CAST: variants seen among roughly 807,000 people sequenced by gnomAD.
The protein encoded by CAST is MIR583 host.
CAST carries 76 observed loss-of-function variants against 119.6 expected under a neutral mutation model. That is an observed-to-expected ratio of 0.64 (90% CI 0.53 to 0.77). The LOEUF is 0.77. Ranked by LOEUF, CAST falls within the 30% of genes least tolerant of loss-of-function variation. CAST has a pLI of 0.00. For synonymous variants in CAST, 319 were observed against 331.6 expected, an observed-to-expected ratio of 0.96 and a Z score of 0.41; for missense variants, 953 against 946.5, an observed-to-expected ratio of 1.01 and a Z score of -0.09.
intron 1 of CAST, among the ~76,000 whole-genome samples, chr5:96,532,344 C>G (rs1173147532): frequency 1.3e-5 from 2 of 152,176 alleles, no homozygotes; most frequent in Non-Finnish European, 2.9e-5. Flanking sequence ...TGAAATTTAG[C>G]ATCACTAAGG....
intron 1 of CAST, among the ~76,000 whole-genome samples, chr5:96,612,504 C>T (rs1487171501): frequency 6.6e-6 from 1 of 152,080 alleles, no homozygotes; most frequent in Admixed American, 6.6e-5. Flanking sequence ...GTGTTGGGTT[C>T]AATAGAAGCC....
At chr5:96,238,301 T>TTTATTCTTCTTC in the CAST span, among the ~76,000 whole-genome samples, 1 of 94,804 alleles carries the variant, frequency 1.1e-5, no homozygotes, top group South Asian at 4.4e-4. Flanking sequence ...TGCAAATCTG[T>TTTATTCTTCTTC]TTCTTCTTCT....
chr5:96,601,970 C>T (rs939735972), intron 1 of CAST, among the ~76,000 whole-genome samples: 1 of 152,206 alleles, frequency 6.6e-6, no homozygotes, highest in Non-Finnish European at 1.5e-5. Flanking sequence ...TTCCGGCTCC[C>T]TCTGGCCCTC....
At chr5:96,638,545 ACCTTG>A (rs1747910719) in intron 1 of CAST, among the ~76,000 whole-genome samples, 1 of 152,088 alleles carries the variant, frequency 6.6e-6, no homozygotes, top group South Asian at 2.1e-4. Context: ...TCCCCCAAAC[ACCTTG>A]GTGTTTTTTG....
chr5:96,550,463 A>G (rs564455722), intron 1 of CAST, among the ~76,000 whole-genome samples: 21 of 152,268 alleles, frequency 1.4e-4, no homozygotes, highest in Non-Finnish European at 2.9e-4. Context: ...AGGAGAAACC[A>G]GAGCAGAAAG....
intron 17 of CAST, among the ~76,000 whole-genome samples, chr5:96,746,855 G>T (rs1763861708): frequency 6.6e-6 from 1 of 152,152 alleles, no homozygotes. Flanking sequence ...TTATGGTGAG[G>T]ATGGTAGACT....
At chr5:96,346,060 T>C in the CAST span, among the ~76,000 whole-genome samples, 13 of 152,148 alleles carry the variant, frequency 8.5e-5, no homozygotes, top group East Asian at 5.8e-4. Flanking sequence ...AATGATCCAA[T>C]TGAGAAATGA....
the CAST span, among the ~76,000 whole-genome samples, chr5:96,025,079 T>C: frequency 6.6e-6 from 1 of 152,212 alleles, no homozygotes; most frequent in Non-Finnish European, 1.5e-5. Context: ...AATCTGAAGC[T>C]TTTCCACATT....
At chr5:96,226,808 C>T in the CAST span, among the ~76,000 whole-genome samples, 1 of 152,164 alleles carries the variant, frequency 6.6e-6, no homozygotes, top group Non-Finnish European at 1.5e-5. Context: ...GCCGCTCCTC[C>T]CTGGAATCAT....
the CAST span, among the ~76,000 whole-genome samples, chr5:96,389,277 A>G: frequency 1.3e-5 from 2 of 152,318 alleles, 1 homozygote; most frequent in South Asian, 4.1e-4. Flanking sequence ...AAAAGAAAAA[A>G]GGTAACTGAG....
At chr5:96,606,392 G>A (rs1747255785) in intron 1 of CAST, among the ~76,000 whole-genome samples, 1 of 152,196 alleles carries the variant, frequency 6.6e-6, no homozygotes. Context: ...CTACATACTT[G>A]ATGGAGTGAT....
At chr5:96,224,776 G>C in the CAST span, among the ~76,000 whole-genome samples, 1 of 152,288 alleles carries the variant, frequency 6.6e-6, no homozygotes, top group Non-Finnish European at 1.5e-5. Context: ...TACCTTCTCA[G>C]ATGATGCATG....
At chr5:95,999,644 T>G in the CAST span, among the ~76,000 whole-genome samples, 1 of 152,170 alleles carries the variant, frequency 6.6e-6, no homozygotes, top group Non-Finnish European at 1.5e-5. Context: ...GCACCAAGCT[T>G]ACACACTGAT....
intron 1 of CAST, among the ~76,000 whole-genome samples, chr5:96,558,533 C>T (rs1305590389): frequency 2.6e-5 from 4 of 152,192 alleles, no homozygotes; most frequent in African/African-American, 9.7e-5. Flanking sequence ...GATAACACCA[C>T]AGATCCCACA....
At chr5:96,583,098 T>C (rs188615182) in intron 1 of CAST, among the ~76,000 whole-genome samples, 4 of 152,290 alleles carry the variant, frequency 2.6e-5, no homozygotes, top group Admixed American at 1.3e-4. Flanking sequence ...GCCCAAACCT[T>C]TAATGGTTTT....
chr5:96,422,523 C>T, the CAST span, among the ~76,000 whole-genome samples: 1 of 152,186 alleles, frequency 6.6e-6, no homozygotes, highest in South Asian at 2.1e-4. Context: ...CCAATAGCTA[C>T]ACTTAAACGC....
the CAST span, among the ~76,000 whole-genome samples, chr5:96,229,471 A>G: frequency 1.3e-5 from 2 of 152,232 alleles, no homozygotes; most frequent in African/African-American, 2.4e-5. Flanking sequence ...TGGCAGCACC[A>G]TAAAGAAAAT....
the CAST span, among the ~76,000 whole-genome samples, chr5:96,169,023 A>T: frequency 9.9e-5 from 15 of 152,180 alleles, no homozygotes; most frequent in Non-Finnish European, 1.8e-4. Flanking sequence ...TTGTTTGCAT[A>T]AAAAGGCTAC....
At chr5:96,111,024 G>C in the CAST span, 1 of 152,148 alleles carries the variant, frequency 6.6e-6, no homozygotes, top group Admixed American at 6.5e-5. Flanking sequence ...AGACCCTACA[G>C]GTTAAGGGTT....
Sources: allele counts gnomAD v4.1 joint callset (sites outside exome capture counted in the v4.1 genomes callset), GRCh38; gene constraint gnomAD v4.1.1; transcripts MANE v1.5; gene names NCBI Gene and HGNC (gene_info 2026-07-23, HGNC 2026-07-21).